SOX5: variants seen among roughly 807,000 people sequenced by gnomAD.
SOX5 encodes SRY-box transcription factor 5, also known as transcription factor SOX-5.
In SOX5, 9 loss-of-function variants were observed where a neutral mutation model predicts 92.0. The ratio of observed to expected loss-of-function variants is 0.10; its 90% CI spans 0.06 to 0.17. The LOEUF is 0.17. Among genes scored for constraint, SOX5 ranks in the 10% least tolerant of loss-of-function variants. The probability of loss-of-function intolerance (pLI) is 1.00; values close to 1 mark genes in which losing one functional copy is unlikely to be tolerated. For missense variants in SOX5, 642 were observed against 944.5 expected (o/e 0.68, Z 4.20); for synonymous variants, 344 against 336.3 (o/e 1.02, Z -0.25).
At chr12:24,533,476 A>T (rs2138682789) in intron 1 of SOX5, among the ~76,000 whole-genome samples, 1 of 152,328 alleles carries the variant, frequency 6.6e-6, no homozygotes, top group South Asian at 2.1e-4. Context: ...GTTTTTAAAT[A>T]TGCATTTAGG....
At chr12:23,729,735 A>C (rs1017883135) in intron 6 of SOX5, among the ~76,000 whole-genome samples, 77 of 152,168 alleles carry the variant, frequency 5.1e-4, no homozygotes, top group African/African-American at 1.8e-3. Flanking sequence ...TGGTATGGGA[A>C]TCATAAAATA....
chr12:24,136,202 C>G (rs1039359104), intron 4 of SOX5, among the ~76,000 whole-genome samples: 1 of 152,190 alleles, frequency 6.6e-6, no homozygotes, highest in Non-Finnish European at 1.5e-5. Context: ...GTCAGAGGAC[C>G]AAGCTCTGGA....
chr12:23,726,144 AG>A (rs2093111130), intron 6 of SOX5, among the ~76,000 whole-genome samples: 1 of 27,712 alleles, frequency 3.6e-5, no homozygotes, highest in Non-Finnish European at 1.3e-4. Context: ...AGAGAGAGAG[AG>A]AGAGAGAGAG....
intron 2 of SOX5, among the ~76,000 whole-genome samples, chr12:24,309,492 TC>T (rs1948962590): frequency 6.6e-6 from 1 of 152,172 alleles, no homozygotes; most frequent in Admixed American, 6.5e-5. Flanking sequence ...CTAGTTACGC[TC>T]TTATTTAAAA....
chr12:24,418,078 T>C (rs1965324256), intron 1 of SOX5, among the ~76,000 whole-genome samples: 1 of 152,166 alleles, frequency 6.6e-6, no homozygotes, highest in African/African-American at 2.4e-5. Flanking sequence ...CTTTATATCA[T>C]ATTGCCGTTT....
At chr12:23,572,693 G>A (rs1337413948) in intron 10 of SOX5, among the ~76,000 whole-genome samples, 3 of 152,096 alleles carry the variant, frequency 2.0e-5, no homozygotes, top group Non-Finnish European at 4.4e-5. Flanking sequence ...AAGCCTACAT[G>A]TATATTATGA....
intron 3 of SOX5, among the ~76,000 whole-genome samples, chr12:24,256,807 C>A (rs1429434778): frequency 1.3e-5 from 2 of 152,202 alleles, no homozygotes; most frequent in African/African-American, 4.8e-5. Context: ...CTGCCATGTA[C>A]AGTTACCCCG....
intron 3 of SOX5, among the ~76,000 whole-genome samples, chr12:23,790,507 T>TA (rs754547400): frequency 2.2e-4 from 33 of 148,532 alleles, no homozygotes; most frequent in Admixed American, 4.8e-4. Flanking sequence ...CCCTCCCTGG[T>TA]ACCTCTCACA....
chr12:24,332,285 G>A (rs547527872), intron 2 of SOX5, among the ~76,000 whole-genome samples: 63 of 152,306 alleles, frequency 4.1e-4, no homozygotes, highest in African/African-American at 1.5e-3. Context: ...CAGCAATACT[G>A]TATGCTAGAA....
chr12:24,506,782 G>GTTTTTTTTTTTTTTTTTTT (rs1386116375), intron 1 of SOX5, among the ~76,000 whole-genome samples: 21 of 80,268 alleles, frequency 2.6e-4, no homozygotes, highest in African/African-American at 5.7e-4. Context: ...TATCCAAATG[G>GTTTTTTTTTTTTTTTTTTT]TCTTTTTTTT....
intron 1 of SOX5, among the ~76,000 whole-genome samples, chr12:24,524,990 C>T (rs920280646): frequency 2.6e-5 from 4 of 152,122 alleles, no homozygotes; most frequent in Admixed American, 2.0e-4. Flanking sequence ...AGTACAGAGG[C>T]TCCTCAAAAA....
chr12:24,433,654 C>T (rs1938818823), intron 1 of SOX5, among the ~76,000 whole-genome samples: 1 of 152,342 alleles, frequency 6.6e-6, no homozygotes, highest in South Asian at 2.1e-4. Context: ...CACTCCTCAT[C>T]ATCTTCCTGA....
chr12:23,881,067 G>C (rs539417149), intron 2 of SOX5, among the ~76,000 whole-genome samples: 124 of 152,234 alleles, frequency 8.1e-4, no homozygotes, highest in African/African-American at 2.9e-3. Context: ...GGTGGGGAAA[G>C]GGAGAGAGCA....
intron 2 of SOX5, among the ~76,000 whole-genome samples, chr12:24,357,840 CAAA>C (rs566913275): frequency 9.5e-6 from 1 of 105,294 alleles, no homozygotes; most frequent in Non-Finnish European, 1.9e-5. Flanking sequence ...GACTCCATCT[CAAA>C]AAAAAAAAAA....
chr12:24,548,494 T>C (rs545527002), intron 1 of SOX5, among the ~76,000 whole-genome samples: 1 of 152,328 alleles, frequency 6.6e-6, no homozygotes, highest in East Asian at 1.9e-4. Context: ...AGTATGTATA[T>C]GTAGACACGA....
intron 7 of SOX5, among the ~76,000 whole-genome samples, chr12:23,660,518 T>C (rs1207484856): frequency 6.6e-6 from 1 of 152,164 alleles, no homozygotes; most frequent in Middle Eastern, 3.2e-3. Flanking sequence ...ATTAATTAAA[T>C]CAAAACAAAT....
intron 3 of SOX5, among the ~76,000 whole-genome samples, chr12:24,245,140 T>C (rs889455489): frequency 1.3e-5 from 2 of 152,184 alleles, no homozygotes; most frequent in Non-Finnish European, 2.9e-5. Context: ...CAATTTTATA[T>C]GGCTTTATGT....
chr12:24,080,548 A>G (rs1390289327), intron 4 of SOX5, among the ~76,000 whole-genome samples: 2 of 151,942 alleles, frequency 1.3e-5, no homozygotes, highest in African/African-American at 4.8e-5. Context: ...TGCATTTGAA[A>G]CTTTTATTGC....
At chr12:23,701,203 A>G (rs2090582956) in intron 6 of SOX5, among the ~76,000 whole-genome samples, 2 of 151,976 alleles carry the variant, frequency 1.3e-5, no homozygotes, top group African/African-American at 4.8e-5. Context: ...TTAACTTTCC[A>G]ACCACTCTGA....
Sources: allele counts gnomAD v4.1 joint callset (sites outside exome capture counted in the v4.1 genomes callset), GRCh38; gene constraint gnomAD v4.1.1; transcripts MANE v1.5; gene names NCBI Gene and HGNC (gene_info 2026-07-23, HGNC 2026-07-21).